PDGFRB: variants seen among roughly 807,000 people sequenced by gnomAD.
PDGFRB encodes the protein platelet-derived growth factor receptor beta.
In PDGFRB, 42 loss-of-function variants were observed where a neutral mutation model predicts 120.2. The ratio of observed to expected loss-of-function variants is 0.35; its 90% CI spans 0.27 to 0.45. The LOEUF is 0.45. Ranked by LOEUF, PDGFRB falls within the 20% of genes least tolerant of loss-of-function variation. The probability of loss-of-function intolerance (pLI) is 1.00; values close to 1 mark genes in which losing one functional copy is unlikely to be tolerated. For synonymous variants in PDGFRB, 586 were observed against 606.8 expected (o/e 0.97, Z 0.50); for missense variants, 1,149 against 1,476.3 (o/e 0.78, Z 3.63).
chr5:150,130,533 G>A lies in PDGFRB; in HGVS notation c.1367+6C>T, dbSNP rs1038749109. 2 of 1,612,290 alleles carry A rather than the reference G, an allele frequency of 1.2e-6. No individual in the cohort carries two copies. Among genetic ancestry groups the A allele is most frequent in the South Asian group, 1.1e-5 (1 of 90,920 alleles). On this transcript the variant is annotated splice_donor_region_variant and intron_variant, in intron 9 of 22. Transcript: ENST00000261799. ...CACTGGGAGACTGAGGCCCAGGTCT[G>A]CTCACCTTTTGAGGTCTCTGCAGGC...
rs1760498932 is a variant in PDGFRB at position 150,132,671 on chromosome 5, G to T, written c.1127+79C>A. The T allele has an allele frequency of 7.2e-7, 1 of 1,393,372 alleles. No individual in the cohort carries two copies. The highest frequency in any genetic ancestry group is 9.8e-7 in the Non-Finnish European group (1 of 1,024,546). The allele number at this position is 1,393,372 out of a possible 1,614,324, so 86.3% of individuals were successfully genotyped here. On this transcript the variant is annotated intron_variant, in intron 7 of 22. Coordinates refer to ENST00000261799, the MANE Select transcript of PDGFRB (RefSeq NM_002609.4). This position sits in a 1 kb window ranked among gnomAD's most constrained non-coding sequence, Gnocchi z 5.0. The stretch of plus-strand genomic sequence containing the variant: ...CTCTCAGAAAGCTGGGCCTAGGTTT[G>T]TGGCTGAAAGCCGAGGGCTGCCTGG...
Position 150,155,602 on chromosome 5 carries a change from T to G in PDGFRB, c.-212A>C. ...GAGGGATGGAGGAAGGGGGCTGCTGTAGGGGAGAGGAGCGGCCCAGCTTCG... is the reference window on the plus strand; with the variant it reads ...GAGGGATGGAGGAAGGGGGCTGCTGGAGGGGAGAGGAGCGGCCCAGCTTCG... On this transcript the variant is annotated 5_prime_UTR_variant, in exon 1 of 23. Coordinates refer to ENST00000261799, the MANE Select transcript of PDGFRB (RefSeq NM_002609.4). The G allele has an allele frequency of 2.5e-6, 1 of 398,800 alleles. No homozygotes were observed. Among genetic ancestry groups the G allele is most frequent in the Non-Finnish European group, 4.4e-6 (1 of 226,294 alleles). 24.7% of individuals were successfully genotyped at this position (398,800 alleles called of 1,614,324 possible). A position where few individuals can be genotyped will look rare whatever the true frequency, so the allele number is the denominator to read the frequency against.
chr5:150,133,512 C>T (rs1298559473), intron 6 of PDGFRB, 74 bp downstream of exon 6: 2 of 1,295,102 alleles, frequency 1.5e-6, no homozygotes, highest in East Asian at 4.6e-5. Context: ...CACCATCACT[C>T]TGCACCCAGC....
chr5:150,117,540 G>A lies in PDGFRB; in HGVS notation c.3137+78C>T, dbSNP rs145076822. The stretch of plus-strand genomic sequence containing the variant: ...GGCAAACCTGGCAGCGCGCGCGCGC[G>A]CGCGCACACACACACACACACACAC... On this transcript the variant is annotated intron_variant, in intron 22 of 22. Transcript: ENST00000261799. The A allele has an allele frequency of 3.2e-3, 1,912 of 592,716 alleles. 2 individuals carry two copies. The highest frequency in any genetic ancestry group is 8.3e-3 in the Middle Eastern group (17 of 2,052). The allele number at this position is 592,716 out of a possible 1,614,324, so 36.7% of individuals were successfully genotyped here.
rs1760349780 is a variant in PDGFRB at position 150,128,058 on chromosome 5, C to T, written c.1580-1444G>A. On this transcript the variant is annotated intron_variant, in intron 10 of 22. Transcript: ENST00000261799. ...CCCAGACCAACATCCCTCTTCTCCT[C>T]CCTCCTCCCGCTCATCACACATCTC... Among the ~76,000 whole-genome samples the T allele has an allele frequency of 2.0e-5, 3 of 152,138 alleles. No homozygotes were observed. The South Asian group carries it at 6.2e-4, about 32-fold the overall frequency.
intron 1 of PDGFRB, among the ~76,000 whole-genome samples, chr5:150,151,309 C>A (rs1761070050): frequency 1.3e-5 from 2 of 152,120 alleles, no homozygotes; most frequent in Non-Finnish European, 2.9e-5. Context: ...AAAACTGAGG[C>A]CCCAGAAGGG....
At chr5:150,136,167 C>T (rs921487620) in intron 2 of PDGFRB, among the ~76,000 whole-genome samples, 1 of 152,228 alleles carries the variant, frequency 6.6e-6, no homozygotes. Flanking sequence ...CCAGGAAATC[C>T]TCGGGAAGCA....
chr5:150,117,536 G>C (rs528099067), intron 22 of PDGFRB, 82 bp downstream of exon 22: 129 of 678,022 alleles, frequency 1.9e-4, no homozygotes, highest in Non-Finnish European at 2.2e-5. Context: ...CAGCGCGCGC[G>C]CGCGCGCGCA....
At position 150,119,635 on chromosome 5, in the gene PDGFRB, C is replaced by T. The variant is rs1580794643; in HGVS notation, c.2699-69G>A. 9.6e-6 allele frequency: 9 copies of T among 940,646 alleles called. No individual in the cohort carries two copies. The East Asian group carries it at 1.4e-4, about 15-fold the overall frequency. The allele number at this position is 940,646 out of a possible 1,614,324, so 58.3% of individuals were successfully genotyped here. On this transcript the variant is annotated intron_variant, in intron 19 of 22. Coordinates refer to ENST00000261799, the MANE Select transcript of PDGFRB (RefSeq NM_002609.4). ...AAAAGTGGCAGGGCACCCTCTTCTA[C>T]AGGACAAGGAGAGCCATGCTGGCCC...
rs1406805441 is a variant in PDGFRB at position 150,126,661 on chromosome 5, C to T, written c.1580-47G>A. On this transcript the variant is annotated intron_variant, in intron 10 of 22. Transcript: ENST00000261799. ...GGCCATGAGCAAACTGGGCAGCTAC[C>T]CTCCCCTCACCCCATCTTTGGCATC... 3 of 942,596 alleles carry T rather than the reference C, an allele frequency of 3.2e-6. No homozygotes were observed. The South Asian group carries it at 3.9e-5, about 12-fold the overall frequency. The allele number at this position is 942,596 out of a possible 1,614,324, so 58.4% of individuals were successfully genotyped here. A position where few individuals can be genotyped will look rare whatever the true frequency, so the allele number is the denominator to read the frequency against.
At chr5:150,116,254 T>C (rs1387204470) in intron 22 of PDGFRB, among the ~76,000 whole-genome samples, 1 of 152,204 alleles carries the variant, frequency 6.6e-6, no homozygotes, top group Non-Finnish European at 1.5e-5. Context: ...TAAAGGTGTA[T>C]GCTATCTCAT....
chr5:150,125,353 G>T, intron 12 of PDGFRB, 92 bp downstream of exon 12: 1 of 1,131,278 alleles, frequency 8.8e-7, no homozygotes, highest in Non-Finnish European at 1.3e-6. Context: ...AGGTCTCATA[G>T]CTAGTCATGG....
chr5:150,148,896 G>C (rs572830662), intron 1 of PDGFRB, among the ~76,000 whole-genome samples: 2 of 152,282 alleles, frequency 1.3e-5, no homozygotes, highest in South Asian at 2.1e-4. Flanking sequence ...GGCTCTGTGA[G>C]AGATGAAAGG....
intron 22 of PDGFRB, 70 bp downstream of exon 22, chr5:150,117,548 A>AAG: frequency 2.4e-6 from 1 of 424,262 alleles, no homozygotes; most frequent in South Asian, 3.5e-5. Flanking sequence ...GCGCGCGCAC[A>AAG]CACACACACA....
In PDGFRB at chr5:150,115,729, G is replaced by C. The variant is rs1020003045; in HGVS notation, c.*34C>G. ...GAGATGCTGGGTGCTGGCAGGGGGG[G>C]AGCTTCAGGCAGGGCAGGGTAGGGG... On this transcript the variant is annotated 3_prime_UTR_variant, in exon 23 of 23. Coordinates refer to ENST00000261799, the MANE Select transcript of PDGFRB (RefSeq NM_002609.4). The C allele has an allele frequency of 3.9e-6, 6 of 1,529,220 alleles. No homozygotes were observed. Among genetic ancestry groups the C allele is most frequent in the Non-Finnish European group, 5.3e-6 (6 of 1,138,910 alleles). 94.7% of individuals were successfully genotyped at this position (1,529,220 alleles called of 1,614,324 possible).
chr5:150,116,033 C>A, intron 22 of PDGFRB, 87 bp from the exon 23 acceptor site: 2 of 1,175,496 alleles, frequency 1.7e-6, no homozygotes, highest in Non-Finnish European at 1.2e-6. Flanking sequence ...GGTGTGTCCA[C>A]CCCTGCACCG....
At chr5:150,153,663 C>T (rs1019974459) in intron 1 of PDGFRB, 4 of 152,176 alleles carry the variant, frequency 2.6e-5, no homozygotes, top group Admixed American at 2.6e-4. Flanking sequence ...TCCCTGAAGG[C>T]TGTGGATTCA....
At position 150,121,106 on chromosome 5, in the gene PDGFRB, T is replaced by C; in HGVS notation, c.2464-96A>G. On this transcript the variant is annotated intron_variant, in intron 17 of 22. Transcript: ENST00000261799. This position sits in a 1 kb window ranked among gnomAD's most constrained non-coding sequence, Gnocchi z 4.1. ...TTGGGAAAATACAACACTGCCCATG[T>C]GCGAGAGGCCACCCTGGTGTGCTCT... The C allele has an allele frequency of 7.0e-7, 1 of 1,436,630 alleles. No individual in the cohort carries two copies. Among genetic ancestry groups the C allele is most frequent in the South Asian group, 1.1e-5 (1 of 87,614 alleles). 89.0% of individuals were successfully genotyped at this position (1,436,630 alleles called of 1,614,324 possible).
At chr5:150,141,191 A>T (rs1760774843) in intron 1 of PDGFRB, among the ~76,000 whole-genome samples, 1 of 152,264 alleles carries the variant, frequency 6.6e-6, no homozygotes, top group Non-Finnish European at 1.5e-5. Context: ...ACATGTGCGC[A>T]GCTCCCACTG....
Sources: gnomAD v4.1 joint callset for allele counts (sites outside exome capture counted in the v4.1 genomes callset) on GRCh38, gnomAD v4.1.1 for gene constraint, Gnocchi (gnomAD v3.1) non-coding constraint, MANE v1.5 for transcripts, NCBI Gene and HGNC (gene_info 2026-07-23, HGNC 2026-07-21) for gene names.